Variants in AGBL1 observed in about 807,000 individuals in gnomAD.
AGBL1 encodes cytosolic carboxypeptidase 4.
Under a neutral mutation model 118.9 loss-of-function variants are expected in AGBL1, and 130 were observed. That is an observed-to-expected ratio of 1.09 (90% CI 0.95 to 1.26). The LOEUF (loss-of-function observed/expected upper bound fraction) is 1.26. Ranked by LOEUF, AGBL1 falls within the 50% of genes most tolerant of loss-of-function variation. The probability of loss-of-function intolerance (pLI) is 0.00; values close to 1 mark genes in which losing one functional copy is unlikely to be tolerated. For missense variants in AGBL1, 1,584 were observed against 1,298.1 expected (o/e 1.22, Z -3.38); for synonymous variants, 555 against 478.9 (o/e 1.16, Z -2.08).
intron 5 of AGBL1, among the ~76,000 whole-genome samples, chr15:86,172,982 T>A (rs200050612): frequency 6.6e-6 from 1 of 152,202 alleles, no homozygotes; most frequent in East Asian, 1.9e-4. Context: ...CTATACGAGT[T>A]CCCTTTTCTC....
In AGBL1 at chr15:86,230,024, G is replaced by A. The variant is rs943025566; in HGVS notation, c.526+5073G>A. Among the ~76,000 whole-genome samples the A allele has an allele frequency of 4.6e-5, 7 of 152,300 alleles. No homozygotes were observed. In the South Asian group the frequency reaches 1.0e-3, roughly 23 times the overall value. The stretch of plus-strand genomic sequence containing the variant: ...AAAAGCAAGTTAGCAAAGGAAGAGC[G>A]ACAGAGAAGAAAAGGGGGAGGGAGA... On this transcript the variant is annotated intron_variant, in intron 6 of 22. Transcript: ENST00000614907.
intron 19 of AGBL1, among the ~76,000 whole-genome samples, chr15:86,542,063 G>C (rs374002475): frequency 2.0e-5 from 3 of 152,288 alleles, no homozygotes; most frequent in Non-Finnish European, 2.9e-5. Context: ...GTTAGCTTGC[G>C]CAGCTGGAAG....
intron 3 of AGBL1, among the ~76,000 whole-genome samples, chr15:86,145,984 A>G (rs1269696579): frequency 6.6e-6 from 1 of 152,230 alleles, no homozygotes; most frequent in Non-Finnish European, 1.5e-5. Context: ...AGAGTGAGCC[A>G]GGTGGACTCC....
intron 15 of AGBL1, among the ~76,000 whole-genome samples, chr15:86,275,916 G>T (rs2079243342): frequency 6.6e-6 from 1 of 152,126 alleles, no homozygotes; most frequent in African/African-American, 2.4e-5. Flanking sequence ...ACTTCTTTCA[G>T]ATTCTTCATC....
At chr15:86,335,716 T>C (rs933035132) in intron 17 of AGBL1, among the ~76,000 whole-genome samples, 1 of 152,150 alleles carries the variant, frequency 6.6e-6, no homozygotes, top group Admixed American at 6.5e-5. Context: ...GGTGTTGTTA[T>C]AAGAAAGTTG....
chr15:86,091,791 C>T (rs1896044626), intron 1 of AGBL1, among the ~76,000 whole-genome samples: 1 of 151,834 alleles, frequency 6.6e-6, no homozygotes. Context: ...ATTTTTTTTC[C>T]AATTATATAT....
intron 15 of AGBL1, among the ~76,000 whole-genome samples, chr15:86,273,302 T>C (rs952658072): frequency 1.3e-5 from 2 of 152,094 alleles, no homozygotes; most frequent in African/African-American, 4.8e-5. Flanking sequence ...AGCAAGACAA[T>C]TACTATGTGA....
intron 17 of AGBL1, among the ~76,000 whole-genome samples, chr15:86,339,640 T>A (rs1415491419): frequency 6.6e-6 from 1 of 152,204 alleles, no homozygotes; most frequent in South Asian, 2.1e-4. Flanking sequence ...TTGTTAATTA[T>A]TTTTTATTAT....
chr15:86,799,690 C>G (rs1287269631), intron 22 of AGBL1, among the ~76,000 whole-genome samples: 1 of 151,934 alleles, frequency 6.6e-6, no homozygotes, highest in African/African-American at 2.4e-5. Context: ...TTTTTGTTGA[C>G]TTTGGACAAA....
chr15:86,916,737 C>T, downstream of AGBL1, among the ~76,000 whole-genome samples: 1 of 152,162 alleles, frequency 6.6e-6, no homozygotes, highest in Non-Finnish European at 1.5e-5. Flanking sequence ...TTCTAATATT[C>T]ATGAACATGA....
At chr15:86,319,003 C>G (rs1482864378) in intron 17 of AGBL1, among the ~76,000 whole-genome samples, 1 of 152,082 alleles carries the variant, frequency 6.6e-6, no homozygotes, top group Non-Finnish European at 1.5e-5. Context: ...AAACAAACAA[C>G]AAAGAAACAA....
chr15:86,256,544 G>T (rs1465515230), intron 7 of AGBL1, among the ~76,000 whole-genome samples: 1 of 152,188 alleles, frequency 6.6e-6, no homozygotes, highest in African/African-American at 2.4e-5. Context: ...GCAATGTCTT[G>T]CCTTAGGCGC....
chr15:86,778,491 A>G (rs2078289302), intron 22 of AGBL1, among the ~76,000 whole-genome samples: 1 of 152,146 alleles, frequency 6.6e-6, no homozygotes, highest in Non-Finnish European at 1.5e-5. Flanking sequence ...CGGCCATTTC[A>G]GAGGCCTACC....
intron 22 of AGBL1, among the ~76,000 whole-genome samples, chr15:86,896,917 C>T (rs2080137712): frequency 1.3e-5 from 2 of 152,162 alleles, no homozygotes; most frequent in Admixed American, 1.3e-4. Flanking sequence ...ATTTCCTAGA[C>T]TTTCTCAAGT....
intron 1 of AGBL1, among the ~76,000 whole-genome samples, chr15:86,118,398 C>G (rs556225352): frequency 2.0e-5 from 3 of 151,960 alleles, no homozygotes; most frequent in African/African-American, 7.2e-5. Flanking sequence ...GCTGTCTTTG[C>G]AAGAACTCTG....
chr15:86,225,011 T>C, intron 6 of AGBL1, 60 bp downstream of exon 6: 3 of 1,532,690 alleles, frequency 2.0e-6, no homozygotes, highest in Non-Finnish European at 2.7e-6. Context: ...TGAAAGATAC[T>C]TTCTGGTCCC....
chr15:86,954,598 TTGAGCACACC>T (rs1265993129), intron 23 of AGBL1, among the ~76,000 whole-genome samples: 1 of 152,108 alleles, frequency 6.6e-6, no homozygotes, highest in African/African-American at 2.4e-5. Context: ...GAGCTAAACA[TTGAGCACACC>T]TGGACATAAA....
intron 18 of AGBL1, among the ~76,000 whole-genome samples, chr15:86,463,865 A>G (rs976442541): frequency 6.6e-6 from 1 of 152,160 alleles, no homozygotes; most frequent in Non-Finnish European, 1.5e-5. Flanking sequence ...GTTTGAAGTC[A>G]GGTAGCGTGA....
At chr15:86,683,639 C>T (rs1169462089) in intron 22 of AGBL1, among the ~76,000 whole-genome samples, 1 of 152,074 alleles carries the variant, frequency 6.6e-6, no homozygotes, top group Non-Finnish European at 1.5e-5. Context: ...AGGTCTCTTG[C>T]CTATGAAACT....
Sources: gnomAD v4.1 joint callset for allele counts (sites outside exome capture counted in the v4.1 genomes callset) on GRCh38, gnomAD v4.1.1 for gene constraint, MANE v1.5 for transcripts, NCBI Gene and HGNC (gene_info 2026-07-23, HGNC 2026-07-21) for gene names.